SLC39A11: variants seen among roughly 807,000 people sequenced by gnomAD.
SLC39A11 encodes the protein zinc transporter ZIP11.
SLC39A11 carries 33 observed loss-of-function variants against 36.1 expected under a neutral mutation model. The ratio of observed to expected loss-of-function variants is 0.91; its 90% confidence interval spans 0.69 to 1.22. The LOEUF (loss-of-function observed/expected upper bound fraction) is 1.22, where lower values mean the gene tolerates loss of function less well. Ranked by LOEUF, SLC39A11 falls within the 50% of genes most tolerant of loss-of-function variation. The pLI is 0.00. For synonymous variants in SLC39A11, 166 were observed against 170.3 expected (o/e 0.97, Z 0.20); for missense variants, 432 against 430.3 (o/e 1.00, Z -0.03).
chr17:72,691,856 T>C (rs1166202472), intron 7 of SLC39A11, among the ~76,000 whole-genome samples: 1 of 152,100 alleles, frequency 6.6e-6, no homozygotes, highest in Admixed American at 6.6e-5. Flanking sequence ...CCAAGTTTGG[T>C]CAACAGTGCC....
At chr17:72,724,449 T>TG (rs941581686) in intron 7 of SLC39A11, among the ~76,000 whole-genome samples, 6 of 151,460 alleles carry the variant, frequency 4.0e-5, no homozygotes, top group African/African-American at 1.2e-4. Flanking sequence ...AAGAAAGCGG[T>TG]GGGGGGGAGT....
intron 6 of SLC39A11, among the ~76,000 whole-genome samples, chr17:72,834,439 T>C (rs560432367): frequency 6.6e-6 from 1 of 152,274 alleles, no homozygotes; most frequent in African/African-American, 2.4e-5. Context: ...CTGGCCAATA[T>C]GGTGAAACCC....
At chr17:72,664,758 C>T (rs80272380) in intron 7 of SLC39A11, among the ~76,000 whole-genome samples, 8,572 of 152,334 alleles carry the variant, frequency 0.056, 330 homozygotes, top group African/African-American at 0.11. Flanking sequence ...ATGACTTACA[C>T]ATTCATGCCC....
intron 6 of SLC39A11, chr17:72,838,244 T>C (rs939628467): frequency 2.8e-6 from 1 of 362,874 alleles, no homozygotes. Flanking sequence ...TTTTTTTTTT[T>C]TTGAGACAAG....
chr17:72,720,938 G>A (rs1180482112), intron 7 of SLC39A11, among the ~76,000 whole-genome samples: 5 of 151,916 alleles, frequency 3.3e-5, no homozygotes, highest in African/African-American at 7.3e-5. Flanking sequence ...AAACTTGATA[G>A]GAAACAAGAC....
rs750245486 is a variant in SLC39A11 at position 72,919,945 on chromosome 17, C to T, written c.430+27807G>A. On this transcript the variant is annotated intron_variant, in intron 5 of 9. Transcript: ENST00000255559. Reference sequence around the variant, plus strand: ...ACTTCTTCGAATGCCTTTATTACTGCGGAAATTCATTGCCTGAATGATGTT... The same window carrying T: ...ACTTCTTCGAATGCCTTTATTACTGTGGAAATTCATTGCCTGAATGATGTT... 3.9e-5 allele frequency among the ~76,000 whole-genome samples: 6 copies of T among 152,254 alleles called. No homozygotes were observed. The East Asian group carries it at 7.7e-4, about 20-fold the overall frequency.
chr17:72,694,761 C>T (rs893041130), intron 7 of SLC39A11, among the ~76,000 whole-genome samples: 3 of 152,240 alleles, frequency 2.0e-5, no homozygotes, highest in Non-Finnish European at 2.9e-5. Flanking sequence ...CCTGGGCCAC[C>T]AGAGAGAAGA....
chr17:72,891,709 T>C (rs1424671383), intron 5 of SLC39A11, among the ~76,000 whole-genome samples: 2 of 152,050 alleles, frequency 1.3e-5, no homozygotes, highest in African/African-American at 2.4e-5. Context: ...GATATAGATA[T>C]ATATTAACAC....
chr17:72,812,199 T>C (rs2077454444), intron 6 of SLC39A11, among the ~76,000 whole-genome samples: 1 of 152,218 alleles, frequency 6.6e-6, no homozygotes, highest in Admixed American at 6.5e-5. Flanking sequence ...CCCAAGGTCA[T>C]GTTAGTGTAA....
intron 6 of SLC39A11, among the ~76,000 whole-genome samples, chr17:72,738,808 C>G (rs1157844839): frequency 1.3e-5 from 2 of 152,178 alleles, no homozygotes; most frequent in African/African-American, 4.8e-5. Context: ...TCTTTTGATT[C>G]ATTGCCTCTT....
intron 5 of SLC39A11, among the ~76,000 whole-genome samples, chr17:72,912,919 C>A (rs985713731): frequency 6.6e-6 from 1 of 152,096 alleles, no homozygotes; most frequent in Non-Finnish European, 1.5e-5. Context: ...AGTGCTGACT[C>A]GAGAGACAGC....
At position 72,773,860 on chromosome 17, in the gene SLC39A11, G is replaced by A. The variant is rs149537693; in HGVS notation, c.602-37141C>T. On this transcript the variant is annotated intron_variant, in intron 6 of 9. Transcript: ENST00000255559. ...CTTAGCCACAGACAAGGAGGAACAG[G>A]GGCTGAAGCGCGAAACACCAACCAT... Among the ~76,000 whole-genome samples, 4 of 152,262 alleles carry A rather than the reference G, an allele frequency of 2.6e-5. No individual in the cohort carries two copies. In the East Asian group the frequency reaches 7.7e-4, roughly 29 times the overall value.
intron 3 of SLC39A11, among the ~76,000 whole-genome samples, chr17:73,083,071 C>T (rs2144783456): frequency 6.6e-6 from 1 of 151,294 alleles, no homozygotes; most frequent in African/African-American, 2.4e-5. Context: ...CAAGGCCCTT[C>T]ACTTTCTCCG....
intron 5 of SLC39A11, among the ~76,000 whole-genome samples, chr17:72,920,081 G>A (rs2083566144): frequency 6.6e-6 from 1 of 152,060 alleles, no homozygotes; most frequent in African/African-American, 2.4e-5. Flanking sequence ...TCCTCTTTTT[G>A]TGCTTTCGCT....
intron 6 of SLC39A11, among the ~76,000 whole-genome samples, chr17:72,820,570 G>C (rs1376425328): frequency 4.0e-5 from 6 of 151,146 alleles, no homozygotes; most frequent in African/African-American, 1.5e-4. Flanking sequence ...AGCTCAGCAA[G>C]ACTCTGTCCC....
At chr17:72,781,219 G>A (rs2076305462) in intron 6 of SLC39A11, among the ~76,000 whole-genome samples, 1 of 152,080 alleles carries the variant, frequency 6.6e-6, no homozygotes, top group African/African-American at 2.4e-5. Context: ...CAGGGTCACG[G>A]TGCCCCATGA....
chr17:72,784,162 C>T (rs989322005), intron 6 of SLC39A11, among the ~76,000 whole-genome samples: 2 of 151,958 alleles, frequency 1.3e-5, no homozygotes, highest in African/African-American at 2.4e-5. Context: ...CTGGCCAACA[C>T]GGTGAAACCC....
At chr17:73,023,113 T>C (rs545943896) in intron 4 of SLC39A11, among the ~76,000 whole-genome samples, 9 of 152,142 alleles carry the variant, frequency 5.9e-5, no homozygotes, top group Admixed American at 2.6e-4. Context: ...CCTCAGGGCA[T>C]AGCCAGCCAG....
chr17:72,927,665 G>T (rs1405164501), intron 5 of SLC39A11, among the ~76,000 whole-genome samples: 5 of 152,146 alleles, frequency 3.3e-5, no homozygotes, highest in African/African-American at 1.2e-4. Flanking sequence ...TTATTAGTGT[G>T]TGCTTCCAAT....
Sources: gnomAD v4.1 joint callset for allele counts (sites outside exome capture counted in the v4.1 genomes callset) on GRCh38, gnomAD v4.1.1 for gene constraint, MANE v1.5 for transcripts, NCBI Gene and HGNC (gene_info 2026-07-23, HGNC 2026-07-21) for gene names.